Variants in DPP10 observed in about 807,000 individuals in gnomAD.
DPP10 encodes inactive dipeptidyl peptidase 10.
A neutral mutation model predicts 120.9 loss-of-function variants in DPP10; 33 were observed. The ratio of observed to expected loss-of-function variants is 0.27; its 90% confidence interval spans 0.21 to 0.37. The LOEUF is 0.37. DPP10 is among the 10% of genes least tolerant of loss of function. The probability of loss-of-function intolerance (pLI) is 1.00; values close to 1 mark genes in which losing one functional copy is unlikely to be tolerated. For synonymous variants in DPP10, 337 were observed against 326.1 expected, an observed-to-expected ratio of 1.03 and a Z score of -0.36; for missense variants, 816 against 942.8, an observed-to-expected ratio of 0.87 and a Z score of 1.76.
intron 3 of DPP10, among the ~76,000 whole-genome samples, chr2:115,356,688 G>T (rs181577038): frequency 1.3e-5 from 2 of 152,178 alleles, no homozygotes; most frequent in Admixed American, 6.5e-5. Flanking sequence ...TTGGCTAGGG[G>T]TTTGTCATAA....
At chr2:115,622,882 G>A (rs750891218) in intron 5 of DPP10, among the ~76,000 whole-genome samples, 7 of 141,870 alleles carry the variant, frequency 4.9e-5, no homozygotes, top group South Asian at 4.4e-4. Context: ...TCGCTCTGTC[G>A]CCCAGGCTGG....
chr2:115,170,735 G>C (rs2053256329), intron 1 of DPP10, among the ~76,000 whole-genome samples: 2 of 152,012 alleles, frequency 1.3e-5, no homozygotes, highest in Non-Finnish European at 2.9e-5. Context: ...CCTACTTCTT[G>C]ACACCCATAG....
intron 5 of DPP10, among the ~76,000 whole-genome samples, chr2:115,588,501 A>G (rs1361440800): frequency 3.3e-5 from 5 of 152,190 alleles, no homozygotes. Context: ...GAACCTTCCT[A>G]AGAAACAGAC....
At chr2:114,766,603 G>C (rs1680724553) in intron 1 of DPP10, among the ~76,000 whole-genome samples, 2 of 152,102 alleles carry the variant, frequency 1.3e-5, no homozygotes, top group African/African-American at 4.8e-5. Flanking sequence ...CAATAAAAAG[G>C]AACAAACTTT....
At chr2:114,892,702 A>G (rs1024469723) in intron 1 of DPP10, among the ~76,000 whole-genome samples, 1 of 152,070 alleles carries the variant, frequency 6.6e-6, no homozygotes, top group South Asian at 2.1e-4. Flanking sequence ...AGCCCTGTAC[A>G]TTGCCTGTGA....
chr2:115,636,884 G>A (rs1165329970), intron 5 of DPP10, among the ~76,000 whole-genome samples: 4 of 152,096 alleles, frequency 2.6e-5, no homozygotes, highest in African/African-American at 2.4e-5. Flanking sequence ...AGAGGAAGTG[G>A]AATCTTAAGA....
intron 1 of DPP10, among the ~76,000 whole-genome samples, chr2:114,584,213 A>G (rs1322838586): frequency 1.3e-5 from 2 of 152,136 alleles, no homozygotes; most frequent in East Asian, 3.9e-4. Context: ...GAAGTATAGT[A>G]TATGTGTGCA....
At chr2:114,615,008 C>T (rs1693570691) in intron 1 of DPP10, among the ~76,000 whole-genome samples, 1 of 152,098 alleles carries the variant, frequency 6.6e-6, no homozygotes, top group South Asian at 2.1e-4. Context: ...AACATATATG[C>T]ACATCTCTAA....
At chr2:115,802,084 G>A (rs1367657111) in intron 19 of DPP10, among the ~76,000 whole-genome samples, 1 of 152,090 alleles carries the variant, frequency 6.6e-6, no homozygotes, top group Non-Finnish European at 1.5e-5. Context: ...TGGTTGGTAA[G>A]CTATTAATTA....
intron 3 of DPP10, among the ~76,000 whole-genome samples, chr2:115,373,717 T>C (rs2065581084): frequency 6.6e-6 from 1 of 152,012 alleles, no homozygotes; most frequent in African/African-American, 2.4e-5. Flanking sequence ...TCCATTCTCA[T>C]GTTGCTACAA....
chr2:115,840,328 T>TG lies in DPP10; in HGVS notation c.2183-422_2183-421insG, dbSNP rs1689994830. ...GATATAAGGTTTTTTGGTTTTTTTT[T>TG]TTTTTTTTTTTTTGAGACGGAGTCT... On this transcript the variant is annotated intron_variant, in intron 24 of 25. Transcript: ENST00000410059. 2.5e-5 allele frequency among the ~76,000 whole-genome samples: 3 copies of TG among 119,592 alleles called. 1 individual carries two copies. Among genetic ancestry groups the TG allele is most frequent in the African/African-American group, 6.4e-5 (2 of 31,464 alleles). 78.5% of individuals were successfully genotyped at this position (119,592 alleles called of 152,430 possible).
intron 1 of DPP10, among the ~76,000 whole-genome samples, chr2:114,853,679 G>A (rs1689149457): frequency 6.6e-6 from 1 of 152,134 alleles, no homozygotes. Context: ...TGCAACTTGG[G>A]AGACTGTGAG....
rs944003577 is a variant in DPP10, at chr2:114,677,280, A to G, written c.60+234442A>G. Among the ~76,000 whole-genome samples the G allele has an allele frequency of 3.9e-5, 6 of 152,116 alleles. No individual in the cohort carries two copies. In the East Asian group the frequency reaches 9.7e-4, roughly 24 times the overall value. On this transcript the variant is annotated intron_variant, in intron 1 of 25. Coordinates refer to ENST00000410059, the MANE Select transcript of DPP10 (RefSeq NM_020868.6). ...TGGAATACGCACACAAGAAAAATCC[A>G]CAGTTGTGATTGTACATTTAGCACC...
rs568395658 is a variant in DPP10, at chr2:115,603,950, A to T, written c.441+77978A>T. On this transcript the variant is annotated intron_variant, in intron 5 of 25. Transcript: ENST00000410059. ...GGTGTTTACATCTTAAGAAAGACATACATTTCAACCAACAGAACATGTGTT... is the reference window on the plus strand; with the variant it reads ...GGTGTTTACATCTTAAGAAAGACATTCATTTCAACCAACAGAACATGTGTT... Among the ~76,000 whole-genome samples, 122 of 152,284 alleles carry T rather than the reference A, an allele frequency of 8.0e-4. 1 individual carries two copies. The highest frequency in any genetic ancestry group is 2.8e-3 in the African/African-American group (115 of 41,564).
At chr2:115,545,552 A>T (rs531924203) in intron 5 of DPP10, among the ~76,000 whole-genome samples, 1 of 152,166 alleles carries the variant, frequency 6.6e-6, no homozygotes, top group Admixed American at 6.6e-5. Context: ...GAACAGAGCC[A>T]TGAAAGGTCA....
At chr2:115,314,208 A>G (rs905916109) in intron 2 of DPP10, among the ~76,000 whole-genome samples, 1 of 152,298 alleles carries the variant, frequency 6.6e-6, no homozygotes, top group African/African-American at 2.4e-5. Flanking sequence ...AGGCTCTTTA[A>G]TCCATCTGCC....
chr2:114,764,229 C>T (rs1364710010), intron 1 of DPP10, among the ~76,000 whole-genome samples: 1 of 148,904 alleles, frequency 6.7e-6, no homozygotes, highest in African/African-American at 2.5e-5. Context: ...TACTGCAGTG[C>T]TTGACATAGC....
intron 1 of DPP10, among the ~76,000 whole-genome samples, chr2:114,882,132 C>T (rs990416478): frequency 6.6e-6 from 1 of 151,486 alleles, no homozygotes; most frequent in African/African-American, 2.4e-5. Context: ...AAAATGAATG[C>T]CATTTGATCT....
chr2:115,615,186 T>G (rs185475065), intron 5 of DPP10, among the ~76,000 whole-genome samples: 1 of 152,246 alleles, frequency 6.6e-6, no homozygotes, highest in Admixed American at 6.5e-5. Flanking sequence ...GTAACATCAC[T>G]TTTTTAACCA....
Sources: allele counts gnomAD v4.1 joint callset (sites outside exome capture counted in the v4.1 genomes callset), GRCh38; gene constraint gnomAD v4.1.1; transcripts MANE v1.5; gene names NCBI Gene and HGNC (gene_info 2026-07-23, HGNC 2026-07-21).